SLC25A48: variants seen among roughly 807,000 people sequenced by gnomAD.
SLC25A48 encodes solute carrier family 25 member 48, also known as CTC-321K16.1.
SLC25A48 carries 29 observed loss-of-function variants against 32.2 expected under a neutral mutation model. That is an observed-to-expected ratio of 0.90 (90% confidence interval 0.67 to 1.23). The LOEUF (loss-of-function observed/expected upper bound fraction) is 1.23, where lower values mean the gene tolerates loss of function less well. SLC25A48 is among the 50% of genes most tolerant of loss of function. SLC25A48 has a pLI of 0.00. For missense variants in SLC25A48, 399 were observed against 422.7 expected (o/e 0.94, Z 0.49); for synonymous variants, 164 against 172.3 (o/e 0.95, Z 0.38).
chr5:135,871,659 C>T lies in SLC25A48; in HGVS notation c.620C>T (p.Thr207Ile). The change falls in exon 5 of 8, where the codon ACA becomes ATA. Residue 207 changes from threonine to isoleucine, a missense_variant. Coordinates refer to ENST00000681962, the MANE Select transcript of SLC25A48 (RefSeq NM_001349336.2). ...IPYVFLSEWI[T>I]PEACTGPSPC... ...TACGTGTTCCTGAGTGAGTGGATCA[C>T]ACCTGAGGCCTGCACAGGCCCCAGC... 3 of 1,614,188 alleles carry T rather than the reference C, an allele frequency of 1.9e-6. No individual in the cohort carries two copies. Among genetic ancestry groups the T allele is most frequent in the Non-Finnish European group, 2.5e-6 (3 of 1,180,012 alleles).
chr5:135,858,423 C>T (rs1300569353), intron 4 of SLC25A48, among the ~76,000 whole-genome samples: 1 of 152,232 alleles, frequency 6.6e-6, no homozygotes, highest in Non-Finnish European at 1.5e-5. Context: ...CCACAAGTTT[C>T]TGTGATCTGG....
chr5:135,785,017 G>A (rs1178102152), intron 3 of SLC25A48, among the ~76,000 whole-genome samples: 1 of 150,852 alleles, frequency 6.6e-6, no homozygotes, highest in Admixed American at 6.6e-5. Flanking sequence ...AATATCATAA[G>A]GTGGACAGGA....
At chr5:135,728,924 A>T (rs1015707337) in intron 3 of SLC25A48, among the ~76,000 whole-genome samples, 2 of 152,022 alleles carry the variant, frequency 1.3e-5, no homozygotes, top group Admixed American at 1.3e-4. Flanking sequence ...GAGTTAAAAC[A>T]GATGAGAGCT....
chr5:135,658,920 C>G (rs1432680984), intron 3 of SLC25A48, among the ~76,000 whole-genome samples: 1 of 152,222 alleles, frequency 6.6e-6, no homozygotes, highest in Admixed American at 6.5e-5. Flanking sequence ...CAGCGGGGCC[C>G]TGGGTCTGGC....
intron 3 of SLC25A48, among the ~76,000 whole-genome samples, chr5:135,734,005 T>C (rs1225854198): frequency 6.6e-6 from 1 of 151,888 alleles, no homozygotes; most frequent in Non-Finnish European, 1.5e-5. Context: ...TTAGGACAGG[T>C]AAAATGGGGG....
intron 1 of SLC25A48, among the ~76,000 whole-genome samples, chr5:135,841,779 T>C (rs12153016): frequency 0.14 from 20,686 of 152,070 alleles, 1,790 homozygotes; most frequent in Middle Eastern, 0.2. Flanking sequence ...ACTGCAGCCT[T>C]CAGTTCTGAA....
chr5:135,772,049 G>T (rs1388862660), intron 3 of SLC25A48, among the ~76,000 whole-genome samples: 1 of 150,336 alleles, frequency 6.7e-6, no homozygotes, highest in Non-Finnish European at 1.5e-5. Context: ...GGAGAGGATG[G>T]TATTACTCCC....
intron 3 of SLC25A48, among the ~76,000 whole-genome samples, chr5:135,676,344 C>T (rs80045668): frequency 0.01 from 1,549 of 151,678 alleles, 30 homozygotes; most frequent in African/African-American, 0.034. Flanking sequence ...TTTTATTTTC[C>T]GATTTTATTT....
At chr5:135,812,123 G>T (rs1320171634) in intron 3 of SLC25A48, among the ~76,000 whole-genome samples, 1 of 152,030 alleles carries the variant, frequency 6.6e-6, no homozygotes, top group Admixed American at 6.6e-5. Context: ...GAATATTTAA[G>T]GGATTTTATT....
chr5:135,835,030 C>A, intron 1 of SLC25A48, 137 bp downstream of exon 1: 1 of 1,086,750 alleles, frequency 9.2e-7, no homozygotes, highest in Non-Finnish European at 1.4e-6. Context: ...TGGGGAGTGC[C>A]CGGCCCCGAG....
At chr5:135,867,612 A>G (rs1263810278) in intron 4 of SLC25A48, among the ~76,000 whole-genome samples, 1 of 152,156 alleles carries the variant, frequency 6.6e-6, no homozygotes, top group Admixed American at 6.5e-5. Flanking sequence ...TTTATTCATC[A>G]GCAGGGCTAT....
At chr5:135,597,973 C>T (rs1166159610) in intron 1 of SLC25A48, among the ~76,000 whole-genome samples, 1 of 152,036 alleles carries the variant, frequency 6.6e-6, no homozygotes, top group Non-Finnish European at 1.5e-5. Flanking sequence ...CACTGCACTT[C>T]AGCCTGGGTG....
chr5:135,800,328 G>A (rs1033873376), intron 3 of SLC25A48, among the ~76,000 whole-genome samples: 2 of 151,834 alleles, frequency 1.3e-5, no homozygotes, highest in African/African-American at 4.8e-5. Flanking sequence ...TTAATATTTA[G>A]GGAGCAGAAG....
intron 1 of SLC25A48, among the ~76,000 whole-genome samples, chr5:135,611,179 A>C (rs1335502759): frequency 6.6e-6 from 1 of 152,206 alleles, no homozygotes; most frequent in Non-Finnish European, 1.5e-5. Flanking sequence ...GAAATGGTTA[A>C]AAATTGTAAA....
intron 3 of SLC25A48, 147 bp from the exon 4 acceptor site, chr5:135,852,416 C>A (rs1409766634): frequency 2.1e-5 from 21 of 980,130 alleles, no homozygotes; most frequent in Admixed American, 1.8e-4. Flanking sequence ...GGTTCCCCAC[C>A]CCCTACCTCC....
At chr5:135,675,361 G>A (rs1035347323) in intron 3 of SLC25A48, among the ~76,000 whole-genome samples, 2 of 151,820 alleles carry the variant, frequency 1.3e-5, no homozygotes, top group Non-Finnish European at 3.0e-5. Context: ...CCATTTATCT[G>A]TTTCTGTTTT....
At chr5:135,850,621 A>G (rs899515303) in intron 3 of SLC25A48, 125 bp downstream of exon 3, 2 of 824,114 alleles carry the variant, frequency 2.4e-6, no homozygotes, top group African/African-American at 3.4e-5. Context: ...ACTCAGCTTG[A>G]TTTTCCCTAC....
intron 3 of SLC25A48, among the ~76,000 whole-genome samples, chr5:135,669,910 A>T (rs12514034): frequency 0.038 from 5,786 of 152,284 alleles, 133 homozygotes; most frequent in African/African-American, 0.068. Context: ...CCCAGTCATT[A>T]ACTTCTTTCC....
At chr5:135,681,845 C>G (rs1361839517) in intron 3 of SLC25A48, among the ~76,000 whole-genome samples, 2 of 152,112 alleles carry the variant, frequency 1.3e-5, no homozygotes, top group African/African-American at 4.8e-5. Context: ...CTATCTGATG[C>G]CCCTAAGCAT....
Sources: gnomAD v4.1 joint callset for allele counts (sites outside exome capture counted in the v4.1 genomes callset) on GRCh38, gnomAD v4.1.1 for gene constraint, MANE v1.5 for transcripts, NCBI Gene and HGNC (gene_info 2026-07-23, HGNC 2026-07-21) for gene names.